Variants in MEIS2 observed in about 807,000 individuals in gnomAD.
MEIS2 encodes the protein homeobox protein Meis2.
MEIS2 carries 9 observed loss-of-function variants against 58.6 expected under a neutral mutation model. That is an observed-to-expected ratio of 0.15 (90% CI 0.09 to 0.27). The LOEUF (loss-of-function observed/expected upper bound fraction) is 0.27. Among genes scored for constraint, MEIS2 ranks in the 10% least tolerant of loss-of-function variants. MEIS2 has a pLI of 1.00. For synonymous variants in MEIS2, 221 were observed against 228.4 expected (o/e 0.97, Z 0.29); for missense variants, 427 against 635.0 (o/e 0.67, Z 3.52).
At chr15:37,095,725 T>C in intron 3 of MEIS2, 111 bp from the exon 4 acceptor site, 3 of 1,489,030 alleles carry the variant, frequency 2.0e-6, no homozygotes, top group Non-Finnish European at 2.8e-6. Flanking sequence ...AAAGGGGCTT[T>C]GGCAAAATAC....
intron 9 of MEIS2, among the ~76,000 whole-genome samples, chr15:36,929,697 T>C (rs745325420): frequency 2.6e-5 from 4 of 152,204 alleles, no homozygotes; most frequent in African/African-American, 9.6e-5. Context: ...CCATGGCAGG[T>C]ATTTATGCAA....
intron 7 of MEIS2, among the ~76,000 whole-genome samples, chr15:37,068,997 C>T (rs1250832824): frequency 6.6e-6 from 1 of 152,166 alleles, no homozygotes; most frequent in Non-Finnish European, 1.5e-5. Context: ...CCAATTTTTC[C>T]TCTAATTTTT....
chr15:37,012,127 G>A (rs1360338780), intron 8 of MEIS2, among the ~76,000 whole-genome samples: 1 of 152,092 alleles, frequency 6.6e-6, no homozygotes, highest in Non-Finnish European at 1.5e-5. Context: ...TTCCTTCATT[G>A]CACATCAGTG....
At chr15:36,982,587 A>G (rs1164469448) in intron 8 of MEIS2, among the ~76,000 whole-genome samples, 2 of 152,178 alleles carry the variant, frequency 1.3e-5, no homozygotes, top group East Asian at 1.9e-4. Context: ...CATCTTGGCC[A>G]TTGTGAATAA....
intron 8 of MEIS2, among the ~76,000 whole-genome samples, chr15:37,010,151 G>C (rs185073324): frequency 6.6e-6 from 1 of 151,946 alleles, no homozygotes; most frequent in South Asian, 2.1e-4. Context: ...GCAGTGGCGC[G>C]ATCTCGGCTC....
At chr15:37,007,499 TG>T (rs2060964904) in intron 8 of MEIS2, among the ~76,000 whole-genome samples, 6 of 152,214 alleles carry the variant, frequency 3.9e-5, no homozygotes, top group Admixed American at 2.6e-4. Context: ...GGTGCCGGCA[TG>T]TGAACAAAGA....
intron 8 of MEIS2, among the ~76,000 whole-genome samples, chr15:37,021,858 T>C (rs1489776062): frequency 6.6e-6 from 1 of 152,204 alleles, no homozygotes; most frequent in Non-Finnish European, 1.5e-5. Context: ...ATATTTTCTC[T>C]AATAAAATTA....
intron 8 of MEIS2, among the ~76,000 whole-genome samples, chr15:36,960,368 T>C (rs1033418851): frequency 2.0e-5 from 3 of 152,054 alleles, no homozygotes; most frequent in Non-Finnish European, 2.9e-5. Context: ...GTTTAAAAGT[T>C]ATAAAAACAA....
intron 7 of MEIS2, among the ~76,000 whole-genome samples, chr15:37,073,638 A>G (rs1891001252): frequency 6.6e-6 from 1 of 152,074 alleles, no homozygotes; most frequent in African/African-American, 2.4e-5. Flanking sequence ...GACATCCATG[A>G]GGTAGAGTCC....
At chr15:36,913,662 C>T (rs2057144226) in intron 9 of MEIS2, among the ~76,000 whole-genome samples, 1 of 152,086 alleles carries the variant, frequency 6.6e-6, no homozygotes, top group Non-Finnish European at 1.5e-5. Flanking sequence ...AATTTACACA[C>T]ATATGCACCT....
chr15:36,950,423 A>G (rs1241489359), intron 8 of MEIS2, 23 bp from the exon 9 acceptor site: 1 of 1,604,042 alleles, frequency 6.2e-7, no homozygotes. Context: ...CAAATGTTTT[A>G]AAAGATGGAT....
At chr15:37,069,003 T>G (rs11636694) in intron 7 of MEIS2, among the ~76,000 whole-genome samples, 5,258 of 152,290 alleles carry the variant, frequency 0.035, 165 homozygotes, top group Non-Finnish European at 0.046. Flanking sequence ...TTTCCTCTAA[T>G]TTTTAAAAAG....
chr15:36,957,353 T>A (rs949857260), intron 8 of MEIS2, among the ~76,000 whole-genome samples: 2 of 152,152 alleles, frequency 1.3e-5, no homozygotes, highest in African/African-American at 4.8e-5. Context: ...TGAAAAATAA[T>A]ACAAAAACTA....
At chr15:36,941,135 C>CA (rs1277107959) in intron 9 of MEIS2, among the ~76,000 whole-genome samples, 1 of 152,068 alleles carries the variant, frequency 6.6e-6, no homozygotes, top group Non-Finnish European at 1.5e-5. Context: ...CTGCAATGAG[C>CA]AAAGCCAAGC....
intron 1 of MEIS2, 183 bp from the exon 2 acceptor site, chr15:37,098,382 GAGAGAGAGAGAGAGAGAGAGA>G: frequency 1.8e-6 from 1 of 557,016 alleles, no homozygotes; most frequent in Non-Finnish European, 2.1e-6. Flanking sequence ...GAGAGGGGGA[GAGAGAGAGAGAGAGAGAGAGA>G]GAGAGAGAGA....
At chr15:37,046,836 A>T (rs1030745190) in intron 7 of MEIS2, among the ~76,000 whole-genome samples, 3 of 148,728 alleles carry the variant, frequency 2.0e-5, no homozygotes, top group African/African-American at 7.4e-5. Context: ...TCGTTTAAAA[A>T]ATATATATAT....
At position 36,924,811 on chromosome 15, in the gene MEIS2, C is replaced by T. The variant is rs76378393; in HGVS notation, c.977+25513G>A. Among the ~76,000 whole-genome samples the T allele has an allele frequency of 9.9e-5, 15 of 152,264 alleles. No individual in the cohort carries two copies. In the East Asian group the frequency reaches 2.9e-3, roughly 30 times the overall value. On this transcript the variant is annotated intron_variant, in intron 9 of 11. Coordinates refer to ENST00000561208, the MANE Select transcript of MEIS2 (RefSeq NM_170675.5). ...CCCTGACAAAGAAGTGGGGTGTCTCCGCAGCAAGTGTGACAACCAGAAATA... is the reference window on the plus strand; with the variant it reads ...CCCTGACAAAGAAGTGGGGTGTCTCTGCAGCAAGTGTGACAACCAGAAATA...
At chr15:36,911,269 A>AAG (rs1397582248) in intron 9 of MEIS2, among the ~76,000 whole-genome samples, 1 of 118,518 alleles carries the variant, frequency 8.4e-6, no homozygotes, top group East Asian at 2.7e-4. Flanking sequence ...CTTAAGAATA[A>AAG]CGTGTGTGTG....
chr15:37,026,093 C>T (rs945759488), intron 8 of MEIS2, among the ~76,000 whole-genome samples: 13 of 152,030 alleles, frequency 8.6e-5, no homozygotes, highest in Admixed American at 6.6e-5. Context: ...AGTATAGCAA[C>T]TCATGAGCTG....
Sources: gnomAD v4.1 joint callset for allele counts (sites outside exome capture counted in the v4.1 genomes callset) on GRCh38, gnomAD v4.1.1 for gene constraint, MANE v1.5 for transcripts, NCBI Gene and HGNC (gene_info 2026-07-23, HGNC 2026-07-21) for gene names.